PCNX1: variants seen among roughly 807,000 people sequenced by gnomAD.
PCNX1 encodes pecanex-like protein 1.
A neutral mutation model predicts 242.2 loss-of-function variants in PCNX1; 78 were observed. The ratio of observed to expected loss-of-function variants is 0.32; its 90% CI spans 0.27 to 0.39. The LOEUF (loss-of-function observed/expected upper bound fraction) is 0.39. PCNX1 is among the 10% of genes least tolerant of loss of function. The pLI, the probability that PCNX1 is intolerant of heterozygous loss-of-function variation, is 1.00. For synonymous variants in PCNX1, 1,024 were observed against 1,032.9 expected (o/e 0.99, Z 0.17); for missense variants, 2,581 against 2,856.5 (o/e 0.90, Z 2.20).
intron 28 of PCNX1, among the ~76,000 whole-genome samples, chr14:71,076,631 G>A (rs1204847950): frequency 6.6e-6 from 1 of 152,154 alleles, no homozygotes; most frequent in Non-Finnish European, 1.5e-5. Context: ...TTCATTTGCA[G>A]TGTCCCAGTC....
intron 31 of PCNX1, among the ~76,000 whole-genome samples, chr14:71,102,912 A>G (rs996253703): frequency 8.5e-5 from 13 of 152,216 alleles, no homozygotes; most frequent in Non-Finnish European, 1.9e-4. Flanking sequence ...CAGAAGTTAA[A>G]TAGTTCATTC....
At chr14:70,962,519 T>C (rs1221056437) in intron 3 of PCNX1, among the ~76,000 whole-genome samples, 188 bp downstream of exon 3, 1 of 152,246 alleles carries the variant, frequency 6.6e-6, no homozygotes, top group Non-Finnish European at 1.5e-5. Flanking sequence ...ATTACAGATT[T>C]GTTGAGCATT....
intron 1 of PCNX1, among the ~76,000 whole-genome samples, chr14:70,946,449 G>C (rs754963494): frequency 1.3e-5 from 2 of 152,156 alleles, no homozygotes; most frequent in Admixed American, 6.5e-5. Context: ...GTATGATAAG[G>C]CTTTTGGCAT....
intron 1 of PCNX1, among the ~76,000 whole-genome samples, chr14:70,938,167 G>C (rs1476121355): frequency 6.6e-6 from 1 of 152,128 alleles, no homozygotes; most frequent in Non-Finnish European, 1.5e-5. Context: ...CCAACACTAT[G>C]TTGAATAGGA....
chr14:70,979,781 G>C (rs533221995), intron 6 of PCNX1, among the ~76,000 whole-genome samples: 166 of 152,064 alleles, frequency 1.1e-3, no homozygotes, highest in Non-Finnish European at 1.9e-3. Context: ...TTTTTTGGGG[G>C]TCAAGTTTCT....
chr14:70,953,104 CAAAAAAT>C lies in PCNX1; in HGVS notation c.362+5995_362+6001del, dbSNP rs1368727482. ...GCAACATAGTGAGACCTTGTCTTTA[CAAAAAAT>C]AAAAAATAAAAAAAAATTTTAGCTA... On this transcript the variant is annotated intron_variant, in intron 2 of 35. Transcript: ENST00000304743. Among the ~76,000 whole-genome samples, 1,299 of 151,804 alleles carry C rather than the reference CAAAAAAT, an allele frequency of 8.6e-3. 22 individuals carry two copies. Among genetic ancestry groups the C allele is most frequent in the African/African-American group, 0.03 (1,224 of 41,380 alleles).
rs148877827 is a variant in PCNX1, at chr14:70,943,874, C to G, written c.154-3041C>G. On this transcript the variant is annotated intron_variant, in intron 1 of 35. Transcript: ENST00000304743. Reference sequence around the variant, plus strand: ...AAAAGGGGCCAATGTGCAGCTCAGGCTGTTGCTTCAGAGGGTGCAAGCATC... The same window carrying G: ...AAAAGGGGCCAATGTGCAGCTCAGGGTGTTGCTTCAGAGGGTGCAAGCATC... Among the ~76,000 whole-genome samples the G allele has an allele frequency of 2.2e-3, 333 of 152,318 alleles. 1 individual carries two copies. The highest frequency in any genetic ancestry group is 7.7e-3 in the African/African-American group (319 of 41,570).
At chr14:71,053,927 G>A (rs1008842866) in intron 24 of PCNX1, among the ~76,000 whole-genome samples, 1 of 151,884 alleles carries the variant, frequency 6.6e-6, no homozygotes, top group African/African-American at 2.4e-5. Flanking sequence ...ATTCAGTCAG[G>A]TGCAGTATAT....
At chr14:70,984,873 A>G (rs1442093490) in intron 6 of PCNX1, among the ~76,000 whole-genome samples, 2 of 152,228 alleles carry the variant, frequency 1.3e-5, no homozygotes, top group South Asian at 2.1e-4. Context: ...AGTAGAACCA[A>G]CTGATAGTCT....
At chr14:70,994,426 T>TATATATATATATATATATATAG (rs1387360991) in intron 7 of PCNX1, among the ~76,000 whole-genome samples, 30 of 114,978 alleles carry the variant, frequency 2.6e-4, no homozygotes, top group Admixed American at 4.8e-4. Flanking sequence ...TATATATATA[T>TATATATATATATATATATATAG]ATATGTATGT....
At chr14:70,945,361 G>T (rs2057415495) in intron 1 of PCNX1, among the ~76,000 whole-genome samples, 1 of 152,016 alleles carries the variant, frequency 6.6e-6, no homozygotes, top group African/African-American at 2.4e-5. Flanking sequence ...AAAATTATAA[G>T]CCCAAACCAG....
At chr14:70,982,891 C>G (rs2058880329) in intron 6 of PCNX1, among the ~76,000 whole-genome samples, 1 of 152,226 alleles carries the variant, frequency 6.6e-6, no homozygotes, top group Non-Finnish European at 1.5e-5. Flanking sequence ...ATTTCCTCAA[C>G]TGTAAAACAG....
intron 31 of PCNX1, 99 bp from the exon 32 acceptor site, chr14:71,103,296 A>T: frequency 7.7e-7 from 1 of 1,303,948 alleles, no homozygotes; most frequent in South Asian, 1.4e-5. Context: ...ACAACTGGTT[A>T]TCATAATATC....
chr14:71,021,558 A>T (rs1186844486), intron 12 of PCNX1, among the ~76,000 whole-genome samples: 1 of 152,126 alleles, frequency 6.6e-6, no homozygotes, highest in Non-Finnish European at 1.5e-5. Flanking sequence ...ATAGCTAGAC[A>T]TGTGGAGTAA....
intron 11 of PCNX1, among the ~76,000 whole-genome samples, chr14:71,013,607 A>C (rs535129595): frequency 1.7e-3 from 251 of 145,528 alleles, no homozygotes; most frequent in Non-Finnish European, 2.4e-3. Flanking sequence ...CTTGGTGACC[A>C]ACAGCTGTTT....
chr14:70,970,931 C>T (rs1249175579), intron 5 of PCNX1, among the ~76,000 whole-genome samples: 2 of 152,138 alleles, frequency 1.3e-5, no homozygotes, highest in African/African-American at 4.8e-5. Context: ...CCCAGTTAAT[C>T]TTCACTATAA....
intron 18 of PCNX1, among the ~76,000 whole-genome samples, chr14:71,035,564 A>G (rs1369326254): frequency 2.0e-5 from 3 of 151,174 alleles, no homozygotes; most frequent in Admixed American, 2.0e-4. Context: ...GTTCGAGATC[A>G]GCCTGGCCAA....
chr14:71,031,659 C>T lies in PCNX1; in HGVS notation c.3559-1770C>T, dbSNP rs73295523. 0.01 allele frequency: 7,106 copies of T among 692,688 alleles called. 333 individuals are homozygous for T. The African/African-American group carries it at 0.11, about 11-fold the overall frequency. 42.9% of individuals were successfully genotyped at this position (692,688 alleles called of 1,614,324 possible). On this transcript the variant is annotated intron_variant, in intron 16 of 35. Transcript: ENST00000304743. ...GCTCTGTGGGTGGGACGTCTCTCAC[C>T]GTCAGTAGGTCCTGCTCACGTCTGT...
intron 2 of PCNX1, among the ~76,000 whole-genome samples, chr14:70,958,573 C>G (rs923412849): frequency 1.3e-5 from 2 of 152,146 alleles, no homozygotes; most frequent in Non-Finnish European, 1.5e-5. Flanking sequence ...AGTCTCTGTT[C>G]TTTTCTATTA....
Sources: gnomAD v4.1 joint callset for allele counts (sites outside exome capture counted in the v4.1 genomes callset) on GRCh38, gnomAD v4.1.1 for gene constraint, MANE v1.5 for transcripts, NCBI Gene and HGNC (gene_info 2026-07-23, HGNC 2026-07-21) for gene names.